The following RCN1 variants were observed in gnomAD, a reference collection of about 807,000 sequenced individuals.
RCN1 encodes reticulocalbin 1.
RCN1 carries 14 observed loss-of-function variants against 34.7 expected under a neutral mutation model. The ratio of observed to expected loss-of-function variants is 0.40; its 90% CI spans 0.27 to 0.63. The LOEUF is 0.63. RCN1 is among the 30% of genes least tolerant of loss of function. RCN1 has a pLI of 0.37. For missense variants in RCN1, 326 were observed against 425.1 expected, an observed-to-expected ratio of 0.77 and a Z score of 2.05; for synonymous variants, 125 against 165.5, an observed-to-expected ratio of 0.76 and a Z score of 1.88.
chr11:32,098,645 G>A, intron 3 of RCN1, 117 bp downstream of exon 3: 1 of 849,174 alleles, frequency 1.2e-6, no homozygotes, highest in Non-Finnish European at 1.8e-6. Flanking sequence ...GAAGGACTCT[G>A]AAGTAGAGTT....
intron 1 of RCN1, among the ~76,000 whole-genome samples, chr11:32,093,427 A>G (rs1851941755): frequency 6.6e-6 from 1 of 152,182 alleles, no homozygotes; most frequent in Admixed American, 6.5e-5. Context: ...ATTATGCACA[A>G]TTGCTGCAAT....
At chr11:32,103,919 G>A (rs1339665824) in intron 5 of RCN1, among the ~76,000 whole-genome samples, 2 of 152,194 alleles carry the variant, frequency 1.3e-5, no homozygotes, top group African/African-American at 2.4e-5. Flanking sequence ...TTAATGCCTA[G>A]TACTTCGGTA....
At chr11:32,091,510 G>C (rs1851921400) in intron 1 of RCN1, 60 bp downstream of exon 1, 1 of 1,520,730 alleles carries the variant, frequency 6.6e-7, no homozygotes, top group Admixed American at 2.2e-5. Flanking sequence ...CCGCCTGGGC[G>C]AGAGCCACGC....
In RCN1 at chr11:32,097,352, A is replaced by C; in HGVS notation, c.448+15A>C. On this transcript the variant is annotated intron_variant, in intron 2 of 5. Coordinates refer to ENST00000054950, the MANE Select transcript of RCN1 (RefSeq NM_002901.4). ...TTACTACCTAGGTAAGAGGTGCTGC[A>C]GGAGCGATGACACAGTGGGGGCCCA... is the stretch of plus-strand genomic sequence containing the variant. 6.6e-7 allele frequency: 1 copy of C among 1,518,702 alleles called. No individual in the cohort carries two copies. Among genetic ancestry groups the C allele is most frequent in the Non-Finnish European group, 8.8e-7 (1 of 1,139,494 alleles). The allele number at this position is 1,518,702 out of a possible 1,614,324, so 94.1% of individuals were successfully genotyped here.
rs12223191 is a variant in RCN1 at position 32,095,197 on chromosome 11, A to C, written c.255-1947A>C. Among the ~76,000 whole-genome samples the C allele has an allele frequency of 3.6e-3, 539 of 151,190 alleles. 19 individuals are homozygous for C. The East Asian group carries it at 0.08, about 22-fold the overall frequency. ...AAGAATTCTGCTGTGTCTGGCTATG[A>C]TTTCCTGGGGGAAGAAGCCTGAAGA... is the stretch of plus-strand genomic sequence containing the variant. On this transcript the variant is annotated intron_variant, in intron 1 of 5. Transcript: ENST00000054950.
At chr11:32,093,984 A>G (rs1254442377) in intron 1 of RCN1, among the ~76,000 whole-genome samples, 3 of 152,210 alleles carry the variant, frequency 2.0e-5, no homozygotes, top group African/African-American at 4.8e-5. Flanking sequence ...AGAGAGAGGT[A>G]GGAATCAAGG....
In RCN1 at chr11:32,103,406, T is replaced by C. The variant is rs779537677; in HGVS notation, c.814T>C (p.Trp272Arg). 6.2e-7 allele frequency: 1 copy of C among 1,613,794 alleles called. No individual in the cohort carries two copies. The highest frequency in any genetic ancestry group is 1.3e-5 in the African/African-American group (1 of 74,924). The change falls in exon 5 of 6, where the codon TGG (tryptophan) becomes CGG (arginine). Residue 272 changes from tryptophan to arginine, a missense_variant. By Grantham distance (101) the Trp-to-Arg change is moderately radical. Coordinates refer to ENST00000054950, the MANE Select transcript of RCN1 (RefSeq NM_002901.4). ...GKLDKDEIRH[W>R]ILPQDYDHAQ... Reference sequence around the variant, plus strand: ...GTTAGACAAAGATGAGATTCGCCACTGGATCCTCCCTCAAGATTATGATCA... The same window carrying C: ...GTTAGACAAAGATGAGATTCGCCACCGGATCCTCCCTCAAGATTATGATCA...
intron 4 of RCN1, among the ~76,000 whole-genome samples, chr11:32,101,712 T>C (rs917740981): frequency 6.6e-6 from 1 of 152,186 alleles, no homozygotes; most frequent in Non-Finnish European, 1.5e-5. Context: ...GGCACTACCC[T>C]GATAGAATAA....
chr11:32,099,334 A>AC (rs1852009598), intron 3 of RCN1, among the ~76,000 whole-genome samples: 1 of 151,972 alleles, frequency 6.6e-6, no homozygotes, highest in Admixed American at 6.5e-5. Flanking sequence ...AAAAAAAAAA[A>AC]GAAAGAGCAA....
At chr11:32,096,902 G>C (rs1851977425) in intron 1 of RCN1, 1 of 444,802 alleles carries the variant, frequency 2.2e-6, no homozygotes, top group Non-Finnish European at 3.9e-6. Context: ...AGGACAGAGG[G>C]GCACGATCCA....
At chr11:32,098,579 C>T in intron 3 of RCN1, 51 bp downstream of exon 3, 1 of 1,408,988 alleles carries the variant, frequency 7.1e-7, no homozygotes, top group Middle Eastern at 1.8e-4. Flanking sequence ...AGAAAACTGC[C>T]TCCAAATCTT....
chr11:32,091,494 C>A (rs1359520421), intron 1 of RCN1, 44 bp downstream of exon 1: 4 of 1,524,618 alleles, frequency 2.6e-6, no homozygotes, highest in East Asian at 2.6e-5. Flanking sequence ...CGCAGGTGTC[C>A]GAGGGCCGCC....
chr11:32,091,718 A>C, intron 1 of RCN1: 22 of 449,030 alleles, frequency 4.9e-5, no homozygotes, highest in East Asian at 1.3e-4. Context: ...GGGAGCCAGG[A>C]CGGCGAGGGC....
At chr11:32,098,296 C>T (rs773177414) in intron 2 of RCN1, 54 bp from the exon 3 acceptor site, 130 of 1,500,672 alleles carry the variant, frequency 8.7e-5, no homozygotes, top group African/African-American at 2.7e-4. Flanking sequence ...TGGCAGGAAA[C>T]GCCTTTCTTG....
At position 32,105,646 on chromosome 11, in the gene RCN1, T is replaced by G. The variant is rs940835139; in HGVS notation, c.*1174T>G. 2 of 151,962 alleles carry G rather than the reference T, an allele frequency of 1.3e-5. No individual in the cohort carries two copies. Among genetic ancestry groups the G allele is most frequent in the African/African-American group, 2.4e-5 (1 of 41,336 alleles). 9.4% of individuals were successfully genotyped at this position (151,962 alleles called of 1,614,324 possible). ...GAATAACATTATAAAGGTTCTGGGG[T>G]TTTTTTTCATCCAATTACTAGAATG... On this transcript the variant is annotated 3_prime_UTR_variant, in exon 6 of 6. Transcript: ENST00000054950.
intron 1 of RCN1, 143 bp downstream of exon 1, chr11:32,091,593 C>G (rs973228773): frequency 2.7e-6 from 3 of 1,102,352 alleles, no homozygotes; most frequent in Non-Finnish European, 2.5e-6. Context: ...CAACTCGGCG[C>G]TGGGGCTCAG....
At position 32,091,080 on chromosome 11, in the gene RCN1, C is replaced by T. The variant is rs1851913737; in HGVS notation, c.-117C>T. ...ACTGGCGGAGGGACTGGCCAGTCCC[C>T]TCCTCCGCGCCGGCCCCAACCCTGT... On this transcript the variant is annotated 5_prime_UTR_variant, in exon 1 of 6. Transcript: ENST00000054950. 2 of 1,215,558 alleles carry T rather than the reference C, an allele frequency of 1.6e-6. No homozygotes were observed. Among genetic ancestry groups the T allele is most frequent in the African/African-American group, 1.6e-5 (1 of 61,998 alleles). The allele number at this position is 1,215,558 out of a possible 1,614,324, so 75.3% of individuals were successfully genotyped here.
At chr11:32,101,543 T>C (rs1374305447) in intron 4 of RCN1, among the ~76,000 whole-genome samples, 1 of 152,236 alleles carries the variant, frequency 6.6e-6, no homozygotes, top group Non-Finnish European at 1.5e-5. Context: ...TGTATTACTT[T>C]GCCATCCCAG....
intron 1 of RCN1, among the ~76,000 whole-genome samples, chr11:32,095,165 A>G (rs1352561031): frequency 6.6e-6 from 1 of 152,118 alleles, no homozygotes; most frequent in East Asian, 1.9e-4. Flanking sequence ...ACACTGCACA[A>G]TGTTAAAAGA....
Sources: allele counts gnomAD v4.1 joint callset (sites outside exome capture counted in the v4.1 genomes callset), GRCh38; gene constraint gnomAD v4.1.1; transcripts MANE v1.5; gene names NCBI Gene and HGNC (gene_info 2026-07-23, HGNC 2026-07-21).